Variants in ZNF226 observed in about 807,000 individuals in gnomAD.
ZNF226 encodes the protein zinc finger protein 226, also known as Kruppel-associated box protein.
Under a neutral mutation model 11.4 loss-of-function variants are expected in ZNF226, and 6 were observed. The ratio of observed to expected loss-of-function variants is 0.53; its 90% CI spans 0.29 to 1.04. The LOEUF (loss-of-function observed/expected upper bound fraction) is 1.04, where lower values mean the gene tolerates loss of function less well. Among genes scored for constraint, ZNF226 ranks in the 50% least tolerant of loss-of-function variants. The pLI is 0.08. For synonymous variants in ZNF226, 350 were observed against 322.8 expected, an observed-to-expected ratio of 1.08 and a Z score of -0.90; for missense variants, 1,058 against 956.5, an observed-to-expected ratio of 1.11 and a Z score of -1.40.
At chr19:44,198,414 A>G in the ZNF226 span, among the ~76,000 whole-genome samples, 1 of 152,228 alleles carries the variant, frequency 6.6e-6, no homozygotes, top group Admixed American at 6.5e-5. Flanking sequence ...ATTGTCCAGT[A>G]TCTGAATAGC....
At chr19:44,172,564 A>G (rs1970227329) in intron 4 of ZNF226, 2 of 451,446 alleles carry the variant, frequency 4.4e-6, no homozygotes, top group Non-Finnish European at 3.9e-6. Flanking sequence ...AGAATGGCAC[A>G]CACTGCAGCA....
At chr19:44,187,246 A>G in the ZNF226 span, among the ~76,000 whole-genome samples, 1 of 151,934 alleles carries the variant, frequency 6.6e-6, no homozygotes, top group Admixed American at 6.6e-5. This position sits in a 1 kb window ranked among gnomAD's most constrained non-coding sequence, Gnocchi z 4.0. Flanking sequence ...ATCAGGTCCT[A>G]GAGTTTTCTT....
At chr19:44,192,766 C>T in the ZNF226 span, among the ~76,000 whole-genome samples, 26,960 of 152,060 alleles carry the variant, frequency 0.18, 6,083 homozygotes, top group African/African-American at 0.52. Context: ...CAGAAGACGG[C>T]TGAAAATTTA....
Position 44,176,392 on chromosome 19 carries a change from A to T in ZNF226, c.1130A>T (p.His377Leu), listed in dbSNP as rs779473378. The T allele has an allele frequency of 6.2e-7, 1 of 1,614,140 alleles. No homozygotes were observed. Among genetic ancestry groups the T allele is most frequent in the Admixed American group, 1.7e-5 (1 of 60,020 alleles). The change falls in exon 6 of 6, where the codon CAT becomes CTT. Residue 377 changes from histidine (H) to leucine (L), a missense_variant. Transcript: ENST00000337433. ...GGGAGGGCCTTCAGTCAGGCCTCTC[A>T]TCTTCAGGACCATCAGAGACTCCAC... ...ECGRAFSQAS[H>L]LQDHQRLHTG...
At chr19:44,194,792 C>T in the ZNF226 span, among the ~76,000 whole-genome samples, 5 of 152,028 alleles carry the variant, frequency 3.3e-5, no homozygotes, top group Non-Finnish European at 5.9e-5. Flanking sequence ...ACAGACAACA[C>T]AAAAAGATAT....
chr19:44,198,275 G>A, the ZNF226 span, among the ~76,000 whole-genome samples: 1 of 151,878 alleles, frequency 6.6e-6, no homozygotes, highest in Non-Finnish European at 1.5e-5. Flanking sequence ...TGATGTTTTG[G>A]TTATTCTTGA....
the ZNF226 span, among the ~76,000 whole-genome samples, chr19:44,184,034 T>C: frequency 6.6e-6 from 1 of 152,168 alleles, no homozygotes; most frequent in Non-Finnish European, 1.5e-5. Flanking sequence ...CATAACCAGT[T>C]TTTACATATT....
At chr19:44,182,346 C>T (rs772228239), downstream of ZNF226, among the ~76,000 whole-genome samples, 22 of 144,962 alleles carry the variant, frequency 1.5e-4, no homozygotes, top group Non-Finnish European at 2.8e-4. Context: ...GATGCGCGCG[C>T]GCGCGTGCAT....
the ZNF226 span, among the ~76,000 whole-genome samples, chr19:44,190,420 G>C: frequency 6.6e-6 from 1 of 151,918 alleles, no homozygotes; most frequent in African/African-American, 2.4e-5. Flanking sequence ...TGCAAGCTCC[G>C]CCTCCCGGGT....
Position 44,177,570 on chromosome 19 carries a change from C to T in ZNF226, c.2308C>T (p.Leu770Phe). Reference sequence around the variant, plus strand: ...TAAGAGCTTCAGTTGGCGATCAAATCTTACAGTTCATCACAGAATCCATGT... The same window carrying T: ...TAAGAGCTTCAGTTGGCGATCAAATTTTACAGTTCATCACAGAATCCATGT... ...CGKSFSWRSN[L>F]TVHHRIHVGD... Residue 770 changes from leucine to phenylalanine, a missense_variant, in exon 6 of 6, where the codon CTT becomes TTT. Coordinates refer to ENST00000337433, the MANE Select transcript of ZNF226 (RefSeq NM_001032373.2). The T allele has an allele frequency of 1.2e-6, 2 of 1,614,002 alleles. No homozygotes were observed. The highest frequency in any genetic ancestry group is 1.3e-5 in the African/African-American group (1 of 75,026).
downstream of ZNF226, chr19:44,177,969 C>T (rs913997959): frequency 1.1e-5 from 3 of 268,778 alleles, no homozygotes; most frequent in Non-Finnish European, 2.1e-5. Context: ...TTGTTCACTA[C>T]TGAATCTACA....
In ZNF226 at chr19:44,169,031, CAG is replaced by C. The variant is rs1417026741; in HGVS notation, c.-46-1001_-46-1000del. The stretch of plus-strand genomic sequence containing the variant: ...TTTTTTTTTTTTTTTTTTTTTGAGA[CAG>C]AGTCTCACTCAGTCGCCGAGGCTGG... On this transcript the variant is annotated intron_variant, in intron 2 of 5. Coordinates refer to ENST00000337433, the MANE Select transcript of ZNF226 (RefSeq NM_001032373.2). Among the ~76,000 whole-genome samples, 43 of 88,046 alleles carry C rather than the reference CAG, an allele frequency of 4.9e-4. No individual in the cohort carries two copies. In the East Asian group the frequency reaches 0.015, roughly 31 times the overall value. 57.8% of individuals were successfully genotyped at this position (88,046 alleles called of 152,430 possible).
chr19:44,173,317 C>T, intron 5 of ZNF226: 1 of 317,098 alleles, frequency 3.2e-6, no homozygotes, highest in Non-Finnish European at 5.7e-6. Context: ...ATTCCAGCCA[C>T]ATTGTCCTCC....
chr19:44,166,271 C>T (rs1186234792), intron 2 of ZNF226, among the ~76,000 whole-genome samples: 5 of 152,180 alleles, frequency 3.3e-5, no homozygotes, highest in Admixed American at 1.3e-4. Context: ...GAGTCTGAGG[C>T]GGGCAGATCA....
At chr19:44,178,691 A>G (rs896238027), downstream of ZNF226, among the ~76,000 whole-genome samples, 3 of 152,230 alleles carry the variant, frequency 2.0e-5, no homozygotes, top group Admixed American at 6.5e-5. Context: ...ATCAGAATAT[A>G]GAATGTGCAT....
intron 5 of ZNF226, chr19:44,173,321 GTCCT>G: frequency 6.4e-6 from 2 of 312,784 alleles, no homozygotes; most frequent in Non-Finnish European, 1.1e-5. Flanking sequence ...CAGCCACATT[GTCCT>G]CCCTCTTGCT....
intron 5 of ZNF226, chr19:44,174,201 A>T (rs545033231): frequency 2.0e-5 from 3 of 152,042 alleles, no homozygotes; most frequent in Non-Finnish European, 4.4e-5. Context: ...AAGTTGACCC[A>T]TATCTTGGGG....
At position 44,175,986 on chromosome 19, in the gene ZNF226, A is replaced by G; in HGVS notation, c.724A>G (p.Asn242Asp). 6.2e-7 allele frequency: 1 copy of G among 1,613,896 alleles called. No individual in the cohort carries two copies. The highest frequency in any genetic ancestry group is 8.5e-7 in the Non-Finnish European group (1 of 1,179,874). ...DNMKILTFDH[N>D]SMIHTGQKSY... ...CATGAAGATTTTGACATTTGATCACAATAGCATGATTCACACAGGACAGAA... is the reference window on the plus strand; with the variant it reads ...CATGAAGATTTTGACATTTGATCACGATAGCATGATTCACACAGGACAGAA... The change falls in exon 6 of 6, where the codon AAT (asparagine) becomes GAT (aspartate). Residue 242 changes from asparagine (N) to aspartate (D), a missense_variant. Asn to Asp is a conservative substitution (Grantham distance 23). Transcript: ENST00000337433.
chr19:44,184,073 C>G, the ZNF226 span, among the ~76,000 whole-genome samples: 1 of 152,210 alleles, frequency 6.6e-6, no homozygotes, highest in Non-Finnish European at 1.5e-5. Flanking sequence ...GCTAAAATGA[C>G]AGTGTTGAGT....
Sources: allele counts gnomAD v4.1 joint callset (sites outside exome capture counted in the v4.1 genomes callset), GRCh38; gene constraint gnomAD v4.1.1; non-coding constraint Gnocchi (gnomAD v3.1); transcripts MANE v1.5; gene names NCBI Gene and HGNC (gene_info 2026-07-23, HGNC 2026-07-21).